The following SGMS1 variants were observed in gnomAD, a reference collection of about 807,000 sequenced individuals.
SGMS1 encodes sphingomyelin synthase 1, also known as phosphatidylcholine:ceramide cholinephosphotransferase 1.
Under a neutral mutation model 46.2 loss-of-function variants are expected in SGMS1, and 13 were observed. The observed-to-expected ratio is 0.28, with a 90% confidence interval of 0.18 to 0.45. SGMS1 has a LOEUF of 0.45. Ranked by LOEUF, SGMS1 falls within the 20% of genes least tolerant of loss-of-function variation. SGMS1 has a pLI of 1.00. For synonymous variants in SGMS1, 203 were observed against 187.8 expected (o/e 1.08, Z -0.66); for missense variants, 324 against 519.9 (o/e 0.62, Z 3.66).
intron 6 of SGMS1, among the ~76,000 whole-genome samples, chr10:50,364,848 T>C (rs1410784457): frequency 6.6e-6 from 1 of 152,206 alleles, no homozygotes; most frequent in Non-Finnish European, 1.5e-5. Flanking sequence ...CCAGTAGTAG[T>C]TACAAATTCT....
At chr10:50,582,350 C>G (rs529203824) in intron 2 of SGMS1, among the ~76,000 whole-genome samples, 1 of 152,274 alleles carries the variant, frequency 6.6e-6, no homozygotes, top group East Asian at 1.9e-4. Context: ...ATAATTTCCC[C>G]ACAAAACATT....
intron 1 of SGMS1, among the ~76,000 whole-genome samples, chr10:50,607,587 G>A (rs1042660476): frequency 2.0e-5 from 3 of 152,188 alleles, no homozygotes; most frequent in African/African-American, 7.2e-5. Flanking sequence ...CACTTTTAGA[G>A]CCAAAGCTTA....
intron 5 of SGMS1, among the ~76,000 whole-genome samples, chr10:50,434,330 C>G (rs3802537): frequency 0.17 from 26,610 of 152,184 alleles, 2,676 homozygotes; most frequent in Admixed American, 0.23. Context: ...TAGAATGCAA[C>G]TATTGCTCAT....
intron 8 of SGMS1, among the ~76,000 whole-genome samples, chr10:50,322,822 G>C (rs1847470657): frequency 8.1e-6 from 1 of 123,470 alleles, no homozygotes. Context: ...CTGGGCGACA[G>C]AGCGAGACTC....
chr10:50,341,358 C>A (rs751794018), intron 7 of SGMS1: 1 of 455,794 alleles, frequency 2.2e-6, no homozygotes, highest in Non-Finnish European at 4.4e-6. Flanking sequence ...AGGAAACCAG[C>A]GATGGACCCC....
chr10:50,532,459 GT>G (rs1310379650), intron 2 of SGMS1, among the ~76,000 whole-genome samples: 3 of 152,086 alleles, frequency 2.0e-5, no homozygotes, highest in African/African-American at 7.2e-5. Flanking sequence ...AATATTAGAA[GT>G]GTTTTGGTCC....
chr10:50,342,093 T>C (rs1208927499), intron 7 of SGMS1: 1 of 152,334 alleles, frequency 6.6e-6, no homozygotes, highest in East Asian at 1.9e-4. Flanking sequence ...TCAGGAAGCA[T>C]AATTTGAGTT....
chr10:50,330,632 A>G (rs145412835), intron 7 of SGMS1, among the ~76,000 whole-genome samples: 1,532 of 152,332 alleles, frequency 0.01, 18 homozygotes, highest in African/African-American at 0.035. Flanking sequence ...CAGTGCCCAG[A>G]CCTGGCCTCC....
At chr10:50,458,122 C>T (rs1837215727) in intron 5 of SGMS1, among the ~76,000 whole-genome samples, 1 of 152,198 alleles carries the variant, frequency 6.6e-6, no homozygotes, top group African/African-American at 2.4e-5. Flanking sequence ...TGAACAACAC[C>T]AAGCCCATCT....
intron 8 of SGMS1, among the ~76,000 whole-genome samples, chr10:50,324,755 CAT>C (rs758900827): frequency 2.6e-5 from 4 of 152,130 alleles, no homozygotes; most frequent in Non-Finnish European, 5.9e-5. Context: ...TCAGAGGAAA[CAT>C]AGAGCGACAC....
chr10:50,355,846 G>C (rs963869904), intron 6 of SGMS1, among the ~76,000 whole-genome samples: 1 of 151,578 alleles, frequency 6.6e-6, no homozygotes, highest in South Asian at 2.1e-4. Context: ...CTGCCCCGCC[G>C]CCCTGTCTGA....
chr10:50,400,492 C>T (rs1564902344), intron 6 of SGMS1, among the ~76,000 whole-genome samples: 1 of 136,792 alleles, frequency 7.3e-6, no homozygotes, highest in Non-Finnish European at 1.5e-5. Flanking sequence ...GCTCTGTCAC[C>T]CAGGCTGCAA....
At chr10:50,317,386 T>C (rs1847356981) in intron 8 of SGMS1, among the ~76,000 whole-genome samples, 1 of 152,206 alleles carries the variant, frequency 6.6e-6, no homozygotes, top group African/African-American at 2.4e-5. Flanking sequence ...GTTATCTCAC[T>C]GTATCTTCAC....
chr10:50,445,524 T>G (rs1046938893), intron 5 of SGMS1, among the ~76,000 whole-genome samples: 1 of 152,178 alleles, frequency 6.6e-6, no homozygotes, highest in African/African-American at 2.4e-5. Context: ...TTATAATTTC[T>G]TACGCCTGTC....
chr10:50,342,417 C>G (rs1449624357), intron 7 of SGMS1: 1 of 152,104 alleles, frequency 6.6e-6, no homozygotes, highest in Non-Finnish European at 1.5e-5. Flanking sequence ...TTCTTTATAC[C>G]AGTTAAGACC....
At chr10:50,604,117 A>G (rs950649863) in intron 1 of SGMS1, among the ~76,000 whole-genome samples, 1 of 152,148 alleles carries the variant, frequency 6.6e-6, no homozygotes, top group East Asian at 1.9e-4. Context: ...TTGCTTTTCT[A>G]TCACTTCCTC....
intron 2 of SGMS1, among the ~76,000 whole-genome samples, chr10:50,554,466 A>G (rs977041697): frequency 3.3e-5 from 5 of 152,214 alleles, no homozygotes; most frequent in Non-Finnish European, 7.3e-5. Flanking sequence ...CCAAATGTCA[A>G]TGGAGCCAGG....
intron 2 of SGMS1, among the ~76,000 whole-genome samples, chr10:50,563,073 A>G (rs1233821225): frequency 6.6e-6 from 1 of 152,234 alleles, no homozygotes; most frequent in East Asian, 1.9e-4. Context: ...ACATGAGCCT[A>G]GAGAGCATGA....
intron 3 of SGMS1, among the ~76,000 whole-genome samples, chr10:50,484,354 T>C (rs532736471): frequency 8.2e-4 from 125 of 152,154 alleles, no homozygotes; most frequent in Non-Finnish European, 1.3e-3. Context: ...CAGAAAGAAA[T>C]TGACTCCCTT....
Sources: allele counts gnomAD v4.1 joint callset (sites outside exome capture counted in the v4.1 genomes callset), GRCh38; gene constraint gnomAD v4.1.1; transcripts MANE v1.5; gene names NCBI Gene and HGNC (gene_info 2026-07-23, HGNC 2026-07-21).